Variants in CREB5 observed in about 807,000 individuals in gnomAD.
The protein encoded by CREB5 is cAMP responsive element binding protein 5, also known as cyclic AMP-responsive element-binding protein 5.
CREB5 carries 19 observed loss-of-function variants against 57.1 expected under a neutral mutation model. The observed-to-expected ratio is 0.33, with a 90% CI of 0.23 to 0.49. CREB5 has a LOEUF of 0.49. Ranked by LOEUF, CREB5 falls within the 20% of genes least tolerant of loss-of-function variation. The pLI is 0.99. For missense variants in CREB5, 579 were observed against 671.6 expected, an observed-to-expected ratio of 0.86 and a Z score of 1.52; for synonymous variants, 238 against 238.3, an observed-to-expected ratio of 1.00 and a Z score of 0.01.
intron 3 of CREB5, among the ~76,000 whole-genome samples, chr7:28,503,790 T>G (rs1562760968): frequency 1.3e-5 from 2 of 152,108 alleles, no homozygotes; most frequent in Admixed American, 6.5e-5. Flanking sequence ...GGCATGGGAT[T>G]GACACAGTCC....
chr7:28,815,662 G>C (rs1418372097), intron 9 of CREB5, among the ~76,000 whole-genome samples: 1 of 152,178 alleles, frequency 6.6e-6, no homozygotes, highest in Non-Finnish European at 1.5e-5. Context: ...TTTTCTTAGG[G>C]AAGGGGCAAT....
chr7:28,622,453 C>A (rs1797842895), intron 5 of CREB5, among the ~76,000 whole-genome samples: 1 of 152,140 alleles, frequency 6.6e-6, no homozygotes, highest in Non-Finnish European at 1.5e-5. Context: ...AATGAAGGGA[C>A]ATGCAAAGGC....
intron 4 of CREB5, among the ~76,000 whole-genome samples, chr7:28,528,704 C>CAAAAAA (rs778154325): frequency 2.9e-4 from 17 of 58,272 alleles, no homozygotes; most frequent in South Asian, 6.2e-4. Context: ...AACTCCATCT[C>CAAAAAA]AAAAAAAAAA....
At chr7:28,573,380 G>A (rs752809591) in intron 5 of CREB5, among the ~76,000 whole-genome samples, 1 of 152,130 alleles carries the variant, frequency 6.6e-6, no homozygotes, top group Non-Finnish European at 1.5e-5. Context: ...GCAAATGTTT[G>A]CCATGGCTAC....
At chr7:28,687,460 T>G (rs1230467461) in intron 5 of CREB5, among the ~76,000 whole-genome samples, 7 of 150,998 alleles carry the variant, frequency 4.6e-5, no homozygotes, top group Non-Finnish European at 1.5e-5. Context: ...TTTTGAAAAT[T>G]ATTACCACAT....
intron 1 of CREB5, among the ~76,000 whole-genome samples, chr7:28,360,264 C>G (rs1042630982): frequency 3.3e-5 from 5 of 152,170 alleles, no homozygotes; most frequent in African/African-American, 1.2e-4. Context: ...GAGATATTGG[C>G]ATTTCCATGT....
At chr7:28,739,090 A>G (rs1228482283) in intron 7 of CREB5, among the ~76,000 whole-genome samples, 2 of 152,214 alleles carry the variant, frequency 1.3e-5, no homozygotes, top group African/African-American at 4.8e-5. Flanking sequence ...CTCCTAATCT[A>G]CCTTCATACT....
chr7:28,479,416 T>C (rs534647913), intron 1 of CREB5, among the ~76,000 whole-genome samples: 1 of 152,324 alleles, frequency 6.6e-6, no homozygotes, highest in African/African-American at 2.4e-5. Flanking sequence ...TGATGCCTTT[T>C]CTAGGCAGGC....
intron 1 of CREB5, among the ~76,000 whole-genome samples, chr7:28,437,375 CT>C (rs1378145889): frequency 7.4e-6 from 1 of 135,968 alleles, no homozygotes; most frequent in Non-Finnish European, 1.7e-5. Flanking sequence ...TGGGAGCCTC[CT>C]TTCTTGGTAC....
At chr7:28,374,738 T>A (rs1389089482) in intron 1 of CREB5, among the ~76,000 whole-genome samples, 1 of 152,196 alleles carries the variant, frequency 6.6e-6, no homozygotes, top group African/African-American at 2.4e-5. Flanking sequence ...TCCCAACTCG[T>A]CAGTCATAGT....
In CREB5 at chr7:28,683,794, A is replaced by G. The variant is rs183125256; in HGVS notation, c.465-34959A>G. Among the ~76,000 whole-genome samples the G allele has an allele frequency of 4.6e-5, 7 of 152,220 alleles. No homozygotes were observed. The East Asian group carries it at 7.7e-4, about 17-fold the overall frequency. On this transcript the variant is annotated intron_variant, in intron 5 of 10. Transcript: ENST00000357727. The stretch of plus-strand genomic sequence containing the variant: ...TTAAAGCACAGGGTCCCTTTTGCCT[A>G]TGTCACTGAAAAACAGCAGAAGCCT...
intron 1 of CREB5, among the ~76,000 whole-genome samples, chr7:28,306,337 A>G (rs900478263): frequency 2.6e-5 from 4 of 152,188 alleles, no homozygotes; most frequent in African/African-American, 9.7e-5. Context: ...CTTGTGAACC[A>G]TCACAAAACT....
chr7:28,781,489 T>C (rs1806969198), intron 7 of CREB5, among the ~76,000 whole-genome samples: 1 of 152,212 alleles, frequency 6.6e-6, no homozygotes, highest in South Asian at 2.1e-4. Context: ...ATAAGAACCT[T>C]CCAGAAGCAA....
chr7:28,379,614 T>C (rs1440954436), intron 1 of CREB5, among the ~76,000 whole-genome samples: 1 of 152,206 alleles, frequency 6.6e-6, no homozygotes, highest in Admixed American at 6.5e-5. Context: ...GAAAATCACC[T>C]GGAAACTTTA....
chr7:28,385,547 G>A lies in CREB5; in HGVS notation c.-25+86106G>A, dbSNP rs968084461. 3.5e-4 allele frequency among the ~76,000 whole-genome samples: 53 copies of A among 151,914 alleles called. 1 individual carries two copies. The East Asian group carries it at 7.4e-3, about 21-fold the overall frequency. ...AAAAATTACCTGGGTGTGGTGGTGCGTGCCTGTAGTCCCAGCTACTTGGGA... is the reference window on the plus strand; with the variant it reads ...AAAAATTACCTGGGTGTGGTGGTGCATGCCTGTAGTCCCAGCTACTTGGGA... On this transcript the variant is annotated intron_variant, in intron 1 of 9. Coordinates refer to the CREB5 transcript ENST00000396299.
At chr7:28,788,273 CAA>C (rs1807454041) in intron 7 of CREB5, among the ~76,000 whole-genome samples, 1 of 152,132 alleles carries the variant, frequency 6.6e-6, no homozygotes, top group Admixed American at 6.5e-5. Context: ...TTGTGACAAT[CAA>C]AAGTGTCTCC....
chr7:28,701,553 T>C (rs945202490), intron 5 of CREB5, among the ~76,000 whole-genome samples: 3 of 152,192 alleles, frequency 2.0e-5, no homozygotes, highest in Non-Finnish European at 4.4e-5. Flanking sequence ...TTAAAATCTA[T>C]AATTCTTACT....
chr7:28,634,823 G>A lies in CREB5; in HGVS notation c.464+64286G>A, dbSNP rs114437545. ...CTCTGATGGCTTCTTTTAATTGTAT[G>A]TTTTCATGTATTTTTATGTTTTATA... On this transcript the variant is annotated intron_variant, in intron 5 of 10. Transcript: ENST00000357727. Among the ~76,000 whole-genome samples the A allele has an allele frequency of 6.2e-3, 936 of 152,070 alleles. 9 individuals are homozygous for A. Among genetic ancestry groups the A allele is most frequent in the African/African-American group, 0.021 (861 of 41,448 alleles).
rs538609031 is a variant in CREB5, at chr7:28,820,405, C to T, written c.*1126C>T. ...TGTTCAATCATCAGCTGCTAATAGC[C>T]TAAGATTTATTTTTTTTTTTTTCTT... On this transcript the variant is annotated 3_prime_UTR_variant, in exon 11 of 11. Transcript: ENST00000357727. 2 of 132,756 alleles carry T rather than the reference C, an allele frequency of 1.5e-5. No individual in the cohort carries two copies. Among genetic ancestry groups the T allele is most frequent in the African/African-American group, 5.8e-5 (2 of 34,542 alleles). The allele number at this position is 132,756 out of a possible 1,614,324, so 8.2% of individuals were successfully genotyped here. A position where few individuals can be genotyped will look rare whatever the true frequency, so the allele number is the denominator to read the frequency against.
Sources: allele counts gnomAD v4.1 joint callset (sites outside exome capture counted in the v4.1 genomes callset), GRCh38; gene constraint gnomAD v4.1.1; transcripts MANE v1.5; gene names NCBI Gene and HGNC (gene_info 2026-07-23, HGNC 2026-07-21).